The following DGKD variants were observed in gnomAD, a reference collection of about 807,000 sequenced individuals.
DGKD encodes diacylglycerol kinase delta, also known as DAG kinase delta.
DGKD carries 68 observed loss-of-function variants against 154.4 expected under a neutral mutation model. The ratio of observed to expected loss-of-function variants is 0.44; its 90% CI spans 0.36 to 0.54. The LOEUF is 0.54. Ranked by LOEUF, DGKD falls within the 20% of genes least tolerant of loss-of-function variation. The pLI is 0.00. For missense variants in DGKD, 1,343 were observed against 1,593.6 expected (o/e 0.84, Z 2.68); for synonymous variants, 693 against 638.0 (o/e 1.09, Z -1.30).
chr2:233,461,240 A>G (rs528686117), intron 24 of DGKD, among the ~76,000 whole-genome samples: 2 of 152,278 alleles, frequency 1.3e-5, no homozygotes, highest in South Asian at 2.1e-4. Context: ...CCGTGGCCGC[A>G]CGCTGGCTGG....
chr2:233,375,373 G>A (rs910265452), intron 1 of DGKD, among the ~76,000 whole-genome samples: 2 of 152,124 alleles, frequency 1.3e-5, no homozygotes, highest in African/African-American at 4.8e-5. Flanking sequence ...GTGTTAGCGT[G>A]GCTGGGCTCT....
chr2:233,391,576 G>A (rs1472191520), intron 3 of DGKD, among the ~76,000 whole-genome samples: 1 of 152,172 alleles, frequency 6.6e-6, no homozygotes, highest in Non-Finnish European at 1.5e-5. Context: ...TCTAATAACA[G>A]CACTAGAACT....
Position 233,434,519 on chromosome 2 carries a change from C to G in DGKD, c.453+35C>G, listed in dbSNP as rs1559542698. 4 of 1,586,164 alleles carry G rather than the reference C, an allele frequency of 2.5e-6. No individual in the cohort carries two copies. The South Asian group carries it at 4.4e-5, about 18-fold the overall frequency. On this transcript the variant is annotated intron_variant, in intron 4 of 29. Transcript: ENST00000264057. ...GAAAATACCCTTCTCCAAATGCCTC[C>G]TGTTGCCTCCCTCACCCCAGTGTCT...
chr2:233,454,485 G>A (rs572673724), intron 18 of DGKD: 1 of 494,974 alleles, frequency 2.0e-6, no homozygotes, highest in East Asian at 5.9e-5. Flanking sequence ...AGAGTTAGTT[G>A]CTGATGGCAG....
At chr2:233,446,079 C>T (rs933196426) in intron 11 of DGKD, among the ~76,000 whole-genome samples, 7 of 152,222 alleles carry the variant, frequency 4.6e-5, no homozygotes, top group African/African-American at 1.4e-4. Context: ...TAATACCCAT[C>T]GGAAGAATGC....
At chr2:233,360,044 CT>C (rs1412507530) in intron 1 of DGKD, among the ~76,000 whole-genome samples, 1 of 152,142 alleles carries the variant, frequency 6.6e-6, no homozygotes, top group Admixed American at 6.5e-5. Flanking sequence ...TGCAGCGCCA[CT>C]CTTCCAAGCA....
rs369790670 is a variant in DGKD at position 233,434,885 on chromosome 2, C to T, written c.570C>T (p.His190=). 6.8e-6 allele frequency: 11 copies of T among 1,613,470 alleles called. No homozygotes were observed. Among genetic ancestry groups the T allele is most frequent in the Middle Eastern group, 1.6e-4 (1 of 6,082 alleles). ...AGGCTCTGTCTGGGGTCACGTCGCA[C>T]GGGCTGTCCTGCGAGGGTACGGATG... ...CREALSGVTS[H]GLSCEVCKFK... The change falls in exon 5 of 30, where the codon CAC becomes CAT. Residue 190 remains histidine, a synonymous_variant. Transcript: ENST00000264057.
In DGKD at chr2:233,471,375, C is replaced by T. The variant is rs1256938537; in HGVS notation, c.*1915C>T. 1 of 152,402 alleles carries T rather than the reference C, an allele frequency of 6.6e-6. No homozygotes were observed. Among genetic ancestry groups the T allele is most frequent in the Non-Finnish European group, 1.5e-5 (1 of 68,100 alleles). The allele number at this position is 152,402 out of a possible 1,614,324, so 9.4% of individuals were successfully genotyped here. On this transcript the variant is annotated 3_prime_UTR_variant, in exon 30 of 30. Coordinates refer to ENST00000264057, the MANE Select transcript of DGKD (RefSeq NM_152879.3). The stretch of plus-strand genomic sequence containing the variant: ...TTGGCAGAGGGAGAAATAAGCCAGC[C>T]ACGGCAGTCGCTTGGTTTCCCAGGT...
chr2:233,453,072 G>A (rs1168814768), intron 18 of DGKD, among the ~76,000 whole-genome samples: 2 of 152,200 alleles, frequency 1.3e-5, no homozygotes, highest in Non-Finnish European at 2.9e-5. Context: ...CCTATAGTGA[G>A]CACTGTCCCT....
At position 233,436,460 on chromosome 2, in the gene DGKD, C is replaced by T. The variant is rs370351373; in HGVS notation, c.819+19C>T. ...GGCCATGGTGAGTGTGGGCCCTGCG[C>T]CCGGGCTGGAGGGGAGGGCTTGCTC... On this transcript the variant is annotated intron_variant, in intron 7 of 29. Transcript: ENST00000264057. The T allele has an allele frequency of 5.6e-6, 9 of 1,607,154 alleles. No individual in the cohort carries two copies. In the African/African-American group the frequency reaches 6.7e-5, roughly 12 times the overall value.
chr2:233,436,846 G>A (rs956322608), intron 7 of DGKD, among the ~76,000 whole-genome samples: 1 of 152,192 alleles, frequency 6.6e-6, no homozygotes, highest in African/African-American at 2.4e-5. Context: ...TGTGGAAGGG[G>A]TGCAGCCCAG....
Position 233,469,455 on chromosome 2 carries a change from G to C in DGKD, c.3640G>C (p.Ala1214Pro). Residue 1214 changes from alanine (A) to proline (P), a missense_variant, in exon 30 of 30, where the codon GCC (alanine) becomes CCC (proline). Around this residue, in one of 6 missense-constraint regions of DGKD, gnomAD observed 429 missense variants for 496.3 expected, o/e 0.86. Transcript: ENST00000264057. ...GAGCCGCAGCGCCCCCGCCGTCGAGGCCTAGCCTCTGTCCTCTCAGCCTGT... is the reference window on the plus strand; with the variant it reads ...GAGCCGCAGCGCCCCCGCCGTCGAGCCCTAGCCTCTGTCCTCTCAGCCTGT... ...ELSRSAPAVE[A>P] is the part of the protein sequence containing the mutation. The C allele has an allele frequency of 6.3e-7, 1 of 1,597,272 alleles. No homozygotes were observed. Among genetic ancestry groups the C allele is most frequent in the Non-Finnish European group, 8.5e-7 (1 of 1,173,308 alleles).
chr2:233,447,527 T>C, intron 12 of DGKD: 2 of 969,388 alleles, frequency 2.1e-6, no homozygotes, highest in Non-Finnish European at 2.5e-6. Context: ...TAAAAAAAAA[T>C]TTTTTTTTTG....
intron 1 of DGKD, among the ~76,000 whole-genome samples, chr2:233,377,107 A>C (rs1349542511): frequency 2.0e-5 from 2 of 99,768 alleles, no homozygotes; most frequent in African/African-American, 8.4e-5. Context: ...TTGGAGACGG[A>C]GTTTCACTCT....
Position 233,438,753 on chromosome 2 carries a change from ATCAT to A in DGKD, c.1085+375_1085+378del, listed in dbSNP as rs2062787905. ...TAATTTTTTATTTATCTGTCTATCTATCATCTATCTATCTATCTATCTATCTATC... is the reference window on the plus strand; with the variant it reads ...TAATTTTTTATTTATCTGTCTATCTACTATCTATCTATCTATCTATCTATC... On this transcript the variant is annotated intron_variant, in intron 9 of 29. Transcript: ENST00000264057. This position sits in a 1 kb window ranked among gnomAD's most constrained non-coding sequence, Gnocchi z 4.1. Among the ~76,000 whole-genome samples the A allele has an allele frequency of 1.2e-5, 1 of 80,820 alleles. No homozygotes were observed. The highest frequency in any genetic ancestry group is 4.0e-4 in the South Asian group (1 of 2,522). The allele number at this position is 80,820 out of a possible 152,430, so 53.0% of individuals were successfully genotyped here. A position where few individuals can be genotyped will look rare whatever the true frequency, so the allele number is the denominator to read the frequency against.
At chr2:233,378,032 A>C (rs12329282) in intron 1 of DGKD, among the ~76,000 whole-genome samples, 2,262 of 151,352 alleles carry the variant, frequency 0.015, 54 homozygotes, top group African/African-American at 0.052. Context: ...GCCTTGAACT[A>C]CTGGTCTCAA....
intron 12 of DGKD, chr2:233,447,763 G>T (rs912069409): frequency 5.4e-6 from 6 of 1,109,906 alleles, no homozygotes; most frequent in Non-Finnish European, 6.6e-6. Context: ...GAGCCGACCC[G>T]CCAGCATGCC....
chr2:233,429,190 G>A (rs529664062), intron 3 of DGKD: 63 of 985,244 alleles, frequency 6.4e-5, no homozygotes, highest in Non-Finnish European at 7.4e-5. Flanking sequence ...ACTTCAGCTC[G>A]TAAAGGCTGC....
intron 3 of DGKD, among the ~76,000 whole-genome samples, chr2:233,428,762 G>A (rs2062401453): frequency 6.6e-6 from 1 of 152,208 alleles, no homozygotes; most frequent in Non-Finnish European, 1.5e-5. Context: ...TTGACGAGAA[G>A]CAAAGAGGGT....
Sources: gnomAD v4.1 joint callset for allele counts (sites outside exome capture counted in the v4.1 genomes callset) on GRCh38, gnomAD v4.1.1 for gene constraint, gnomAD v4.1.1 regional missense constraint, Gnocchi (gnomAD v3.1) non-coding constraint, MANE v1.5 for transcripts, NCBI Gene and HGNC (gene_info 2026-07-23, HGNC 2026-07-21) for gene names.